Variants in TACR1 observed in about 807,000 individuals in gnomAD.
The protein encoded by TACR1 is tachykinin receptor 1, also known as substance-P receptor.
TACR1 carries 25 observed loss-of-function variants against 35.8 expected under a neutral mutation model. The ratio of observed to expected loss-of-function variants is 0.70; its 90% CI spans 0.51 to 0.98. TACR1 has a LOEUF of 0.98. Among genes scored for constraint, TACR1 ranks in the 50% least tolerant of loss-of-function variants. The pLI is 0.00. For synonymous variants in TACR1, 195 were observed against 206.7 expected, an observed-to-expected ratio of 0.94 and a Z score of 0.48; for missense variants, 478 against 522.9, an observed-to-expected ratio of 0.91 and a Z score of 0.84.
chr2:75,063,432 T>C (rs1293462926), intron 2 of TACR1, among the ~76,000 whole-genome samples: 1 of 152,238 alleles, frequency 6.6e-6, no homozygotes, highest in Non-Finnish European at 1.5e-5. Context: ...ATTTGTTTAT[T>C]TGCATTATAA....
intron 1 of TACR1, among the ~76,000 whole-genome samples, chr2:75,158,816 T>C (rs903166080): frequency 6.6e-5 from 10 of 152,194 alleles, no homozygotes; most frequent in African/African-American, 2.4e-4. Flanking sequence ...TTAGCTGGAG[T>C]TGGGCCTCTG....
intron 2 of TACR1, among the ~76,000 whole-genome samples, chr2:75,062,891 G>A (rs569250179): frequency 6.6e-6 from 1 of 152,056 alleles, no homozygotes; most frequent in Non-Finnish European, 1.5e-5. Context: ...TTTTATAATT[G>A]TATTAGTCTG....
chr2:75,091,246 C>T (rs552823291), intron 2 of TACR1, among the ~76,000 whole-genome samples: 279 of 150,338 alleles, frequency 1.9e-3, no homozygotes, highest in Non-Finnish European at 2.3e-3. Flanking sequence ...AATTTCCGCT[C>T]CTAACTCTAC....
chr2:75,176,012 CAAAAAAA>C (rs34884122), intron 1 of TACR1, among the ~76,000 whole-genome samples: 3 of 109,566 alleles, frequency 2.7e-5, no homozygotes, highest in African/African-American at 1.0e-4. Flanking sequence ...TTGAGCTGTC[CAAAAAAA>C]AAAAAAAAAA....
In TACR1 at chr2:75,119,812, G is replaced by A. The variant is rs888350573; in HGVS notation, c.584+762C>T. On this transcript the variant is annotated intron_variant, in intron 2 of 4. Transcript: ENST00000305249. ...TGTAGGTGTATTGTTTTGGTCTTCC[G>A]CAAAGGGGAATCCTTATCTCAAGAT... 3.9e-5 allele frequency among the ~76,000 whole-genome samples: 6 copies of A among 152,182 alleles called. 1 individual carries two copies. In the East Asian group the frequency reaches 7.7e-4, roughly 20 times the overall value.
intron 1 of TACR1, among the ~76,000 whole-genome samples, chr2:75,173,762 T>G (rs1675346742): frequency 6.6e-6 from 1 of 152,218 alleles, no homozygotes; most frequent in Non-Finnish European, 1.5e-5. Context: ...TTCATCATAC[T>G]TTTCCCTCAC....
intron 1 of TACR1, among the ~76,000 whole-genome samples, chr2:75,154,084 C>G (rs1674740237): frequency 1.3e-5 from 2 of 152,104 alleles, no homozygotes; most frequent in Non-Finnish European, 2.9e-5. Flanking sequence ...TTGCTGTGCA[C>G]AACTAAAGTT....
At chr2:75,187,739 G>A (rs888609013) in intron 1 of TACR1, 25 of 152,328 alleles carry the variant, frequency 1.6e-4, no homozygotes, top group African/African-American at 6.0e-4. Flanking sequence ...TTGTGAAGCA[G>A]GATTGGGGAG....
chr2:75,191,042 C>T (rs994875279), intron 1 of TACR1, among the ~76,000 whole-genome samples: 1 of 152,140 alleles, frequency 6.6e-6, no homozygotes, highest in African/African-American at 2.4e-5. Context: ...CGTATGTCTC[C>T]AGGTCATCAT....
At chr2:75,112,998 G>T (rs372450238) in intron 2 of TACR1, among the ~76,000 whole-genome samples, 3 of 151,994 alleles carry the variant, frequency 2.0e-5, no homozygotes, top group Admixed American at 6.6e-5. Context: ...TCTATATTTA[G>T]GTTTTACCAA....
intron 2 of TACR1, among the ~76,000 whole-genome samples, chr2:75,095,650 C>A (rs935480670): frequency 1.3e-5 from 2 of 152,152 alleles, no homozygotes; most frequent in African/African-American, 4.8e-5. Context: ...ACCCTCAGGA[C>A]AGGGGCTTTT....
chr2:75,046,858 A>G lies in TACR1; in HGVS notation c.*2574T>C, dbSNP rs755763311. The G allele has an allele frequency of 6.6e-5, 10 of 152,250 alleles. No homozygotes were observed. The highest frequency in any genetic ancestry group is 1.0e-4 in the Non-Finnish European group (7 of 68,042). The allele number at this position is 152,250 out of a possible 1,614,324, so 9.4% of individuals were successfully genotyped here. On this transcript the variant is annotated 3_prime_UTR_variant, in exon 5 of 5. Coordinates refer to ENST00000305249, the MANE Select transcript of TACR1 (RefSeq NM_001058.4). ...AATGAGATCTCACATTTTGGAAGTC[A>G]CGTAACAAAGATGGTTCCTTGATAT...
chr2:75,161,685 G>T (rs927957666), intron 1 of TACR1, among the ~76,000 whole-genome samples: 3 of 152,032 alleles, frequency 2.0e-5, no homozygotes, highest in Non-Finnish European at 2.9e-5. Context: ...ACCTAAAATA[G>T]AAGCAGAAGT....
At chr2:75,118,714 A>G (rs1673910141) in intron 2 of TACR1, 1 of 152,256 alleles carries the variant, frequency 6.6e-6, no homozygotes, top group African/African-American at 2.4e-5. Flanking sequence ...AAAGTTGTAG[A>G]AAGTGATCAG....
Position 75,055,795 on chromosome 2 carries a change from A to G in TACR1, c.585-2040T>C, listed in dbSNP as rs551227455. ...CAGTATCACCTGGAGGGCTTCGACA[A>G]CCCCACAGGGCTGGGTCCCACCCAG... On this transcript the variant is annotated intron_variant, in intron 2 of 4. Transcript: ENST00000305249. Among the ~76,000 whole-genome samples, 7 of 152,192 alleles carry G rather than the reference A, an allele frequency of 4.6e-5. No individual in the cohort carries two copies. In the East Asian group the frequency reaches 9.7e-4, roughly 21 times the overall value.
At chr2:75,161,501 G>C (rs1404035455) in intron 1 of TACR1, among the ~76,000 whole-genome samples, 2 of 152,002 alleles carry the variant, frequency 1.3e-5, no homozygotes, top group Admixed American at 1.3e-4. Context: ...TTTTATTTTT[G>C]GCATTGATAG....
At chr2:75,168,520 G>A (rs13026595) in intron 1 of TACR1, among the ~76,000 whole-genome samples, 68,209 of 152,018 alleles carry the variant, frequency 0.45, 17,166 homozygotes, top group Non-Finnish European at 0.55. Context: ...GCCAAGGAAT[G>A]CCTTTGGCCT....
At position 75,198,811 on chromosome 2, in the gene TACR1, T is replaced by C. The variant is rs745879026; in HGVS notation, c.124A>G (p.Ile42Val). ...IVLWAAAYTV[I>V]VVTSVVGNVV... ...TTGCCCACCACAGAGGTCACCACAA[T>C]GACCGTGTAGGCAGCTGCCCAAAGG... Residue 42 changes from isoleucine to valine, a missense_variant, in exon 1 of 5, where the codon ATT becomes GTT. Physicochemically the swap from Ile to Val is conservative, Grantham distance 29. Transcript: ENST00000305249. 5 of 1,614,186 alleles carry C rather than the reference T, an allele frequency of 3.1e-6. No individual in the cohort carries two copies. The East Asian group carries it at 1.1e-4, about 36-fold the overall frequency.
At chr2:75,173,910 G>A (rs572321997) in intron 1 of TACR1, among the ~76,000 whole-genome samples, 1 of 152,228 alleles carries the variant, frequency 6.6e-6, no homozygotes, top group African/African-American at 2.4e-5. Context: ...TTTTTTCTGA[G>A]CCACTTGGCC....
Sources: gnomAD v4.1 joint callset for allele counts (sites outside exome capture counted in the v4.1 genomes callset) on GRCh38, gnomAD v4.1.1 for gene constraint, MANE v1.5 for transcripts, NCBI Gene and HGNC (gene_info 2026-07-23, HGNC 2026-07-21) for gene names.